Variants in RAF1 observed in about 807,000 individuals in gnomAD.
The protein encoded by RAF1 is RAF proto-oncogene serine/threonine-protein kinase.
RAF1 carries 27 observed loss-of-function variants against 81.1 expected under a neutral mutation model. The observed-to-expected ratio is 0.33, with a 90% CI of 0.25 to 0.46. The LOEUF (loss-of-function observed/expected upper bound fraction) is 0.46. RAF1 is among the 20% of genes least tolerant of loss of function. The pLI is 1.00. For missense variants in RAF1, 598 were observed against 826.0 expected (o/e 0.72, Z 3.38); for synonymous variants, 298 against 294.0 (o/e 1.01, Z -0.14).
At chr3:12,591,925 AT>A (rs34541887) in intron 11 of RAF1, 133 bp from the exon 11 acceptor site, 63,268 of 591,900 alleles carry the variant, frequency 0.11, no homozygotes, top group South Asian at 0.16. Flanking sequence ...CAAATTTCCA[AT>A]TTTTTTTTTT....
At chr3:12,620,433 C>T (rs1247138043) in intron 1 of RAF1, among the ~76,000 whole-genome samples, 1 of 151,714 alleles carries the variant, frequency 6.6e-6, no homozygotes, top group African/African-American at 2.4e-5. Context: ...CCGTGCCCAG[C>T]CAGATTTTTA....
chr3:12,606,611 G>A (rs1165422851), intron 5 of RAF1, among the ~76,000 whole-genome samples: 1 of 151,930 alleles, frequency 6.6e-6, no homozygotes, highest in African/African-American at 2.4e-5. Context: ...TGTAATGGCG[G>A]CTCACTGCAA....
chr3:12,646,589 T>C (rs1413589170), intron 1 of RAF1, among the ~76,000 whole-genome samples: 1 of 151,314 alleles, frequency 6.6e-6, no homozygotes, highest in African/African-American at 2.4e-5. Context: ...TCTCACACTA[T>C]TGCCAGGCCG....
chr3:12,629,257 G>A (rs1014780551), intron 1 of RAF1, among the ~76,000 whole-genome samples: 9 of 152,074 alleles, frequency 5.9e-5, no homozygotes, highest in African/African-American at 2.2e-4. Context: ...ACAAGCAAGT[G>A]TCCATGAAAA....
chr3:12,602,229 T>A (rs980523797), intron 8 of RAF1, among the ~76,000 whole-genome samples: 2 of 152,348 alleles, frequency 1.3e-5, no homozygotes, highest in South Asian at 2.1e-4. Context: ...GAACTATGAA[T>A]AATTTGAGAC....
rs374515740 is a variant in RAF1 at position 12,587,837 on chromosome 3, C to CTTTTTTTTTTTT, written c.1431-212_1431-201dup. The CTTTTTTTTTTTT allele has an allele frequency of 5.7e-4, 111 of 194,676 alleles. 4 individuals carry two copies. Among genetic ancestry groups the CTTTTTTTTTTTT allele is most frequent in the African/African-American group, 1.6e-3 (49 of 31,294 alleles). 12.1% of individuals were successfully genotyped at this position (194,676 alleles called of 1,614,324 possible). ...GGCCACAGCACAAACATGCTTACAC[C>CTTTTTTTTTTTT]TTTTTTTTTTTTTTTTTGGAGACTG... On this transcript the variant is annotated intron_variant, in intron 13 of 17. Coordinates refer to ENST00000442415, the MANE Select transcript of RAF1 (RefSeq NM_001354689.3).
chr3:12,644,942 A>G (rs1410743254), intron 1 of RAF1, among the ~76,000 whole-genome samples: 2 of 151,906 alleles, frequency 1.3e-5, no homozygotes, highest in African/African-American at 2.4e-5. Context: ...TACTAAAGAT[A>G]CAAAATATTA....
chr3:12,604,077 A>T (rs2125396300), intron 7 of RAF1, 59 bp downstream of exon 7: 1 of 1,593,146 alleles, frequency 6.3e-7, no homozygotes, highest in Admixed American at 1.7e-5. Context: ...ACTCTGAAAT[A>T]AGTATCAACC....
At chr3:12,629,218 T>A (rs1452066054) in intron 1 of RAF1, among the ~76,000 whole-genome samples, 2 of 152,212 alleles carry the variant, frequency 1.3e-5, no homozygotes, top group Non-Finnish European at 2.9e-5. Context: ...AGTTGGCTAT[T>A]GTTTAAGATG....
In RAF1 at chr3:12,663,845, G is replaced by C. The variant is rs201603517; in HGVS notation, c.-59C>G. 1.4e-4 allele frequency: 55 copies of C among 397,912 alleles called. No individual in the cohort carries two copies. The highest frequency in any genetic ancestry group is 3.6e-4 in the East Asian group (10 of 28,024). The allele number at this position is 397,912 out of a possible 1,614,324, so 24.6% of individuals were successfully genotyped here. ...AGCCAGGCCGCCCCAACGTCCTGTC[G>C]TTCGGCGGCAGCTTCTCGCCCGCTC... On this transcript the variant is annotated 5_prime_UTR_variant, in exon 1 of 18. Transcript: ENST00000442415.
At chr3:12,611,074 C>T (rs1356429455) in intron 3 of RAF1, among the ~76,000 whole-genome samples, 4 of 151,986 alleles carry the variant, frequency 2.6e-5, no homozygotes, top group Non-Finnish European at 5.9e-5. Flanking sequence ...TAAAATAATG[C>T]ACTTTCTGAG....
chr3:12,604,538 T>TA lies in RAF1; in HGVS notation c.681-250dup, dbSNP rs1398489372. The stretch of plus-strand genomic sequence containing the variant: ...ATTCAATGAAAAGGAGAGTGCATTA[T>TA]AAGTTTTCTTTTTTTAAATAAAGCA... On this transcript the variant is annotated intron_variant, in intron 6 of 17. Coordinates refer to ENST00000442415, the MANE Select transcript of RAF1 (RefSeq NM_001354689.3). Among the ~76,000 whole-genome samples the TA allele has an allele frequency of 1.1e-4, 16 of 152,206 alleles. 1 individual carries two copies. The highest frequency in any genetic ancestry group is 3.9e-4 in the African/African-American group (16 of 41,456).
chr3:12,646,707 C>T (rs1220889144), intron 1 of RAF1, among the ~76,000 whole-genome samples: 1 of 152,010 alleles, frequency 6.6e-6, no homozygotes, highest in African/African-American at 2.4e-5. Context: ...CACACCACCA[C>T]ACCCGGCTAA....
At chr3:12,648,661 A>G (rs763565117) in intron 1 of RAF1, among the ~76,000 whole-genome samples, 6 of 152,078 alleles carry the variant, frequency 3.9e-5, no homozygotes, top group Non-Finnish European at 7.4e-5. Flanking sequence ...CACGAGAATC[A>G]TGTGAACCCA....
intron 1 of RAF1, among the ~76,000 whole-genome samples, chr3:12,660,386 T>C (rs545480673): frequency 2.0e-5 from 3 of 151,864 alleles, no homozygotes; most frequent in East Asian, 1.9e-4. Context: ...AGCCTCAATC[T>C]CCCTGGGCTC....
intron 3 of RAF1, among the ~76,000 whole-genome samples, chr3:12,611,516 C>T (rs972923873): frequency 1.3e-5 from 2 of 152,116 alleles, no homozygotes; most frequent in Non-Finnish European, 2.9e-5. Context: ...CTGGCTAACA[C>T]GGTGAAACCC....
intron 1 of RAF1, among the ~76,000 whole-genome samples, chr3:12,626,970 G>C (rs961401478): frequency 2.8e-5 from 4 of 143,164 alleles, no homozygotes; most frequent in African/African-American, 1.0e-4. Flanking sequence ...GTTATAGTCA[G>C]CCAAAACTGT....
At chr3:12,607,065 C>A (rs901794306) in intron 5 of RAF1, among the ~76,000 whole-genome samples, 1 of 152,176 alleles carries the variant, frequency 6.6e-6, no homozygotes, top group Admixed American at 6.5e-5. Context: ...TACAGTATAA[C>A]ATTTCACAAA....
At chr3:12,619,137 C>T (rs1157823543) in intron 1 of RAF1, among the ~76,000 whole-genome samples, 3 of 151,896 alleles carry the variant, frequency 2.0e-5, no homozygotes, top group Non-Finnish European at 2.9e-5. Context: ...CCCAGCTACT[C>T]GGGAGGCTGA....
Sources: gnomAD v4.1 joint callset for allele counts (sites outside exome capture counted in the v4.1 genomes callset) on GRCh38, gnomAD v4.1.1 for gene constraint, MANE v1.5 for transcripts, NCBI Gene and HGNC (gene_info 2026-07-23, HGNC 2026-07-21) for gene names.